The following ENTREP2 variants were observed in gnomAD, a reference collection of about 807,000 sequenced individuals.
ENTREP2 encodes the protein protein ENTREP2.
chr15:29,172,223 T>C, the ENTREP2 span, among the ~76,000 whole-genome samples: 90 of 152,282 alleles, frequency 5.9e-4, 1 homozygote, highest in African/African-American at 2.1e-3. Context: ...ACTTCAGGAA[T>C]AGGATCAAAA....
the ENTREP2 span, among the ~76,000 whole-genome samples, chr15:29,456,242 G>C: frequency 6.6e-6 from 1 of 152,060 alleles, no homozygotes. Flanking sequence ...AGTAAATCTT[G>C]ACCCAATACC....
chr15:29,161,509 T>C, the ENTREP2 span, among the ~76,000 whole-genome samples: 29 of 152,324 alleles, frequency 1.9e-4, no homozygotes, highest in Non-Finnish European at 2.8e-4. Context: ...AGTAACAGAC[T>C]AGTTTGTTAG....
the ENTREP2 span, among the ~76,000 whole-genome samples, chr15:29,464,074 T>C: frequency 6.6e-6 from 1 of 152,062 alleles, no homozygotes; most frequent in Non-Finnish European, 1.5e-5. Flanking sequence ...TCATGTTCAA[T>C]GGGGACAGTT....
At chr15:29,139,854 T>A in the ENTREP2 span, among the ~76,000 whole-genome samples, 1 of 152,126 alleles carries the variant, frequency 6.6e-6, no homozygotes, top group African/African-American at 2.4e-5. Context: ...CAGTGTGTGT[T>A]TAATTAGGTC....
the ENTREP2 span, among the ~76,000 whole-genome samples, chr15:29,481,841 G>C: frequency 6.6e-6 from 1 of 151,988 alleles, no homozygotes; most frequent in East Asian, 1.9e-4. Flanking sequence ...CAAACATGAC[G>C]TTTTTAAGGT....
chr15:29,598,370 A>G, the ENTREP2 span, among the ~76,000 whole-genome samples: 2 of 152,248 alleles, frequency 1.3e-5, no homozygotes, highest in Non-Finnish European at 2.9e-5. Context: ...TAAGTATTCT[A>G]AAATCATCAT....
the ENTREP2 span, among the ~76,000 whole-genome samples, chr15:29,183,080 C>T: frequency 6.6e-6 from 1 of 152,100 alleles, no homozygotes; most frequent in African/African-American, 2.4e-5. Flanking sequence ...AAATGCAACA[C>T]TAAAAGGACA....
chr15:29,124,352 G>A, the ENTREP2 span, among the ~76,000 whole-genome samples: 72 of 152,346 alleles, frequency 4.7e-4, no homozygotes, highest in Non-Finnish European at 9.4e-4. Context: ...ATTCTGGGTC[G>A]TCTGTTCTGG....
At chr15:29,165,729 C>G in the ENTREP2 span, among the ~76,000 whole-genome samples, 1 of 151,890 alleles carries the variant, frequency 6.6e-6, no homozygotes, top group Non-Finnish European at 1.5e-5. Flanking sequence ...CAGACAGATT[C>G]TAAGAAGACT....
chr15:29,425,696 T>C, the ENTREP2 span, among the ~76,000 whole-genome samples: 7 of 152,194 alleles, frequency 4.6e-5, no homozygotes, highest in African/African-American at 1.7e-4. Context: ...CAATTTTTGT[T>C]GTTTGCTTTT....
At chr15:29,373,238 T>G in the ENTREP2 span, among the ~76,000 whole-genome samples, 2 of 151,536 alleles carry the variant, frequency 1.3e-5, 1 homozygote, top group East Asian at 3.9e-4. Context: ...ACAGTGACAG[T>G]GAAGGAGAGG....
the ENTREP2 span, among the ~76,000 whole-genome samples, chr15:29,406,786 C>T: frequency 6.6e-6 from 1 of 152,038 alleles, no homozygotes; most frequent in Non-Finnish European, 1.5e-5. Context: ...CTTTCCCCTC[C>T]AACACACAGC....
At chr15:29,562,206 T>A in the ENTREP2 span, among the ~76,000 whole-genome samples, 2 of 152,238 alleles carry the variant, frequency 1.3e-5, no homozygotes, top group Non-Finnish European at 2.9e-5. Context: ...ATGCTCATGT[T>A]CCTGGGTAGG....
chr15:29,386,025 G>A, the ENTREP2 span, among the ~76,000 whole-genome samples: 1 of 151,996 alleles, frequency 6.6e-6, no homozygotes, highest in African/African-American at 2.4e-5. Context: ...CCTGACTCCA[G>A]GGGAAGACAC....
the ENTREP2 span, among the ~76,000 whole-genome samples, chr15:29,645,358 G>A: frequency 6.6e-6 from 1 of 152,118 alleles, no homozygotes; most frequent in Non-Finnish European, 1.5e-5. Context: ...GGACTCAAAG[G>A]CAAAAGCATT....
chr15:29,563,900 G>C, the ENTREP2 span, among the ~76,000 whole-genome samples: 2 of 151,384 alleles, frequency 1.3e-5, no homozygotes, highest in African/African-American at 4.9e-5. Context: ...ACTACTCTTA[G>C]GAAACTTTAT....
the ENTREP2 span, among the ~76,000 whole-genome samples, chr15:29,406,240 G>A: frequency 9.9e-5 from 15 of 152,164 alleles, no homozygotes; most frequent in Admixed American, 4.6e-4. Context: ...ACAAACGTAT[G>A]TGAAAAATAT....
chr15:29,258,219 A>AG, the ENTREP2 span, among the ~76,000 whole-genome samples: 1 of 127,030 alleles, frequency 7.9e-6, no homozygotes, highest in Non-Finnish European at 1.7e-5. Flanking sequence ...TCTCAAAAAA[A>AG]AAAAAAAAAA....
chr15:29,568,710 C>CAAAAAAAAAAAA, the ENTREP2 span, among the ~76,000 whole-genome samples: 5 of 128,188 alleles, frequency 3.9e-5, no homozygotes, highest in Non-Finnish European at 6.3e-5. Context: ...CCTCTTAAGG[C>CAAAAAAAAAAAA]AAAAAAAAAA....
Sources: allele counts gnomAD v4.1 joint callset (sites outside exome capture counted in the v4.1 genomes callset), GRCh38; gene constraint gnomAD v4.1.1; transcripts MANE v1.5; gene names NCBI Gene and HGNC (gene_info 2026-07-23, HGNC 2026-07-21).